The following ATRNL1 variants were observed in gnomAD, a reference collection of about 807,000 sequenced individuals.
The protein encoded by ATRNL1 is attractin-like protein 1.
A neutral mutation model predicts 182.7 loss-of-function variants in ATRNL1; 95 were observed. The observed-to-expected ratio is 0.52, with a 90% CI of 0.44 to 0.62. The LOEUF (loss-of-function observed/expected upper bound fraction) is 0.62. ATRNL1 is among the 20% of genes least tolerant of loss of function. ATRNL1 has a pLI of 0.00. For missense variants in ATRNL1, 1,471 were observed against 1,679.5 expected (o/e 0.88, Z 2.17); for synonymous variants, 576 against 568.3 (o/e 1.01, Z -0.19).
chr10:115,239,199 A>T (rs1265299333), intron 9 of ATRNL1, among the ~76,000 whole-genome samples: 1 of 144,536 alleles, frequency 6.9e-6, no homozygotes, highest in Non-Finnish European at 1.5e-5. Flanking sequence ...CTTGTTTTGT[A>T]AAGAAAAATT....
intron 19 of ATRNL1, among the ~76,000 whole-genome samples, chr10:115,356,128 C>G (rs988642276): frequency 6.6e-6 from 1 of 151,870 alleles, no homozygotes; most frequent in Non-Finnish European, 1.5e-5. Context: ...CTTTTTTTCT[C>G]TCTTCTAAGA....
chr10:115,163,844 T>C (rs1318923382), intron 6 of ATRNL1, among the ~76,000 whole-genome samples: 1 of 152,118 alleles, frequency 6.6e-6, no homozygotes, highest in Non-Finnish European at 1.5e-5. Flanking sequence ...GGTGGACTAG[T>C]GGTGTGAATC....
At chr10:115,767,644 G>T (rs1180339862) in intron 27 of ATRNL1, among the ~76,000 whole-genome samples, 9 of 152,044 alleles carry the variant, frequency 5.9e-5, no homozygotes, top group Non-Finnish European at 1.3e-4. Flanking sequence ...TTTCTCCCTA[G>T]AATTTTCTTC....
At chr10:115,411,061 A>G (rs1845115864) in intron 20 of ATRNL1, among the ~76,000 whole-genome samples, 2 of 152,266 alleles carry the variant, frequency 1.3e-5, no homozygotes, top group South Asian at 4.1e-4. Flanking sequence ...AATCATAAAA[A>G]TGCAAAATTA....
At chr10:115,707,475 CA>C (rs1438126119) in intron 26 of ATRNL1, among the ~76,000 whole-genome samples, 1 of 151,558 alleles carries the variant, frequency 6.6e-6, no homozygotes. Flanking sequence ...TTCACAATAT[CA>C]TATTAAGTTT....
chr10:115,367,822 T>C (rs1857138756), intron 19 of ATRNL1, among the ~76,000 whole-genome samples: 1 of 145,298 alleles, frequency 6.9e-6, no homozygotes, highest in Non-Finnish European at 1.5e-5. Context: ...GCCTCCCAGT[T>C]AGGCTGCTCG....
At chr10:115,337,378 T>C (rs2134083310) in intron 19 of ATRNL1, among the ~76,000 whole-genome samples, 1 of 152,328 alleles carries the variant, frequency 6.6e-6, no homozygotes, top group South Asian at 2.1e-4. Context: ...TTTTAAAATG[T>C]ACAATTAAGT....
At chr10:115,407,987 T>C (rs1451580540) in intron 20 of ATRNL1, among the ~76,000 whole-genome samples, 3 of 49,592 alleles carry the variant, frequency 6.0e-5, no homozygotes, top group African/African-American at 3.9e-4. Context: ...TTGCATTTCT[T>C]TTTTTTTTTT....
At chr10:115,293,096 T>G (rs1852998358) in intron 15 of ATRNL1, among the ~76,000 whole-genome samples, 1 of 152,040 alleles carries the variant, frequency 6.6e-6, no homozygotes, top group Admixed American at 6.5e-5. Flanking sequence ...CCCTTTCTTA[T>G]TGTATAATAT....
intron 27 of ATRNL1, among the ~76,000 whole-genome samples, chr10:115,844,255 T>C (rs1175478401): frequency 6.6e-6 from 1 of 152,092 alleles, no homozygotes; most frequent in African/African-American, 2.4e-5. Context: ...CCTCACCTGC[T>C]GGAATATGGT....
At chr10:115,319,258 G>A (rs1592440691) in intron 18 of ATRNL1, among the ~76,000 whole-genome samples, 1 of 152,028 alleles carries the variant, frequency 6.6e-6, no homozygotes, top group Non-Finnish European at 1.5e-5. Flanking sequence ...GAGAGACTTT[G>A]TAATGATTTC....
chr10:115,930,492 A>G (rs1338597040), intron 28 of ATRNL1, among the ~76,000 whole-genome samples: 12 of 152,158 alleles, frequency 7.9e-5, no homozygotes, highest in African/African-American at 1.4e-4. Context: ...CAGCCAGGCA[A>G]TTCAGCCACC....
rs112350837 is a variant in ATRNL1, at chr10:115,536,421, T to C, written c.3717-13037T>C. On this transcript the variant is annotated intron_variant, in intron 25 of 28. Transcript: ENST00000355044. ...GGCGTAGGACCCTCCGAGCCAGGTG[T>C]GGGATATAATCTCCTGGTGCGCCAT... Among the ~76,000 whole-genome samples the C allele has an allele frequency of 1.6e-3, 242 of 152,314 alleles. 2 individuals carry two copies. Among genetic ancestry groups the C allele is most frequent in the Admixed American group, 0.015 (232 of 15,298 alleles).
chr10:115,789,152 G>A (rs890670677), intron 27 of ATRNL1, among the ~76,000 whole-genome samples: 2 of 152,200 alleles, frequency 1.3e-5, no homozygotes, highest in African/African-American at 4.8e-5. Flanking sequence ...GTGGTTAGCA[G>A]GTTTTGGTGT....
rs527591941 is a variant in ATRNL1, at chr10:115,929,967, G to C, written c.4019-14691G>C. Reference sequence around the variant, plus strand: ...AAGAAGCACCATTTGAAATTTGATGGTGCAGTTCCTAAAATCTTTCCAAAG... The same window carrying C: ...AAGAAGCACCATTTGAAATTTGATGCTGCAGTTCCTAAAATCTTTCCAAAG... On this transcript the variant is annotated intron_variant, in intron 28 of 28. Transcript: ENST00000355044. Among the ~76,000 whole-genome samples, 4 of 152,148 alleles carry C rather than the reference G, an allele frequency of 2.6e-5. No homozygotes were observed. The South Asian group carries it at 8.3e-4, about 32-fold the overall frequency.
chr10:115,392,928 A>G (rs1449700330), intron 19 of ATRNL1, among the ~76,000 whole-genome samples: 3 of 152,208 alleles, frequency 2.0e-5, no homozygotes, highest in Non-Finnish European at 4.4e-5. Context: ...CCTAAAAGTA[A>G]CTGTTTCTAT....
At chr10:115,683,471 A>G (rs1242225879) in intron 26 of ATRNL1, among the ~76,000 whole-genome samples, 3 of 151,470 alleles carry the variant, frequency 2.0e-5, no homozygotes, top group South Asian at 4.2e-4. Flanking sequence ...ATCCTCTTAG[A>G]TAATGAAAAT....
intron 27 of ATRNL1, among the ~76,000 whole-genome samples, chr10:115,843,632 G>A (rs1555097902): frequency 6.6e-6 from 1 of 152,000 alleles, no homozygotes; most frequent in East Asian, 1.9e-4. Context: ...GTTATTAATA[G>A]CACTTAATTT....
chr10:115,278,908 A>G (rs1426474943), intron 13 of ATRNL1, among the ~76,000 whole-genome samples: 1 of 152,076 alleles, frequency 6.6e-6, no homozygotes, highest in Non-Finnish European at 1.5e-5. Flanking sequence ...ATGAACATAT[A>G]AGACTTGAGA....
Sources: allele counts gnomAD v4.1 joint callset (sites outside exome capture counted in the v4.1 genomes callset), GRCh38; gene constraint gnomAD v4.1.1; transcripts MANE v1.5; gene names NCBI Gene and HGNC (gene_info 2026-07-23, HGNC 2026-07-21).